NEK10: variants seen among roughly 807,000 people sequenced by gnomAD.
NEK10 encodes serine/threonine-protein kinase Nek10.
A neutral mutation model predicts 159.8 loss-of-function variants in NEK10; 122 were observed. The observed-to-expected ratio is 0.76, with a 90% CI of 0.66 to 0.89. NEK10 has a LOEUF of 0.89. NEK10 is among the 40% of genes least tolerant of loss of function. The pLI, the probability that NEK10 is intolerant of heterozygous loss-of-function variation, is 0.00. For synonymous variants in NEK10, 466 were observed against 457.1 expected, an observed-to-expected ratio of 1.02 and a Z score of -0.25; for missense variants, 1,342 against 1,323.1, an observed-to-expected ratio of 1.01 and a Z score of -0.22.
chr3:27,203,636 C>T (rs1950232683), intron 23 of NEK10, among the ~76,000 whole-genome samples: 1 of 152,142 alleles, frequency 6.6e-6, no homozygotes, highest in African/African-American at 2.4e-5. Context: ...GTACTTGGGT[C>T]TGGCCTCAGT....
At chr3:27,123,900 G>A (rs887161240) in intron 32 of NEK10, among the ~76,000 whole-genome samples, 1 of 151,920 alleles carries the variant, frequency 6.6e-6, no homozygotes, top group Non-Finnish European at 1.5e-5. Flanking sequence ...AGGCCTGGTG[G>A]CTGACGTGGA....
chr3:27,289,135 G>T (rs1482402489), intron 19 of NEK10, among the ~76,000 whole-genome samples: 1 of 152,158 alleles, frequency 6.6e-6, no homozygotes, highest in African/African-American at 2.4e-5. Flanking sequence ...TGCACTAGAA[G>T]GTAACAGCAC....
chr3:27,337,174 A>G (rs933564305), intron 5 of NEK10, among the ~76,000 whole-genome samples: 59 of 152,320 alleles, frequency 3.9e-4, no homozygotes, highest in African/African-American at 1.4e-3. Flanking sequence ...TTTATACACC[A>G]ACAATGAAAT....
chr3:27,153,193 G>A (rs746481129), intron 30 of NEK10, among the ~76,000 whole-genome samples: 26 of 151,826 alleles, frequency 1.7e-4, no homozygotes, highest in East Asian at 3.9e-4. Flanking sequence ...GGTAGCGGGC[G>A]CCTATAGTCT....
rs76758977 is a variant in NEK10, at chr3:27,352,937, A to G, written c.-37-18T>C. The G allele has an allele frequency of 0.024, 32,983 of 1,375,306 alleles. 949 individuals carry two copies. The highest frequency in any genetic ancestry group is 0.13 in the African/African-American group (9,382 of 70,262). 85.2% of individuals were successfully genotyped at this position (1,375,306 alleles called of 1,614,324 possible). On this transcript the variant is annotated intron_variant, in intron 1 of 35. Coordinates refer to ENST00000691995, the MANE Select transcript of NEK10 (RefSeq NM_001394966.1). ...TCGCATTCCTTTAAAATTAAACCAG[A>G]GGGAAAATTTTAGTTGGGTTGCGTG...
chr3:27,287,703 A>G lies in NEK10; in HGVS notation c.1784T>C (p.Leu595Pro). 1 of 1,569,966 alleles carries G rather than the reference A, an allele frequency of 6.4e-7. No individual in the cohort carries two copies. The highest frequency in any genetic ancestry group is 8.6e-7 in the Non-Finnish European group (1 of 1,163,246). ...TCATGAAAACTCATACTTACTTTCCAGAAATGTTTTGTAATAACGTACAAT... is the reference window on the plus strand; with the variant it reads ...TCATGAAAACTCATACTTACTTTCCGGAAATGTTTTGTAATAACGTACAAT... ...PNIVRYYKTF[L>P]ENDRLYIVME... The change falls in exon 20 of 36, where the codon CTG (leucine) becomes CCG (proline). Residue 595 changes from leucine (L) to proline (P), a missense_variant. Physicochemically the swap from Leu to Pro is moderately conservative, Grantham distance 98 (BLOSUM62 -3). Coordinates refer to ENST00000691995, the MANE Select transcript of NEK10 (RefSeq NM_001394966.1).
chr3:27,228,672 G>T (rs1264024508), intron 23 of NEK10, among the ~76,000 whole-genome samples: 1 of 152,124 alleles, frequency 6.6e-6, no homozygotes, highest in Admixed American at 6.6e-5. Context: ...GAACAATTTA[G>T]AATGATTGTA....
chr3:27,232,966 C>T (rs113848714), intron 23 of NEK10, among the ~76,000 whole-genome samples: 89 of 151,596 alleles, frequency 5.9e-4, no homozygotes, highest in African/African-American at 2.1e-3. Flanking sequence ...CTCTACTGGA[C>T]ATTGGCTTAG....
chr3:27,275,137 C>T (rs2041676864), intron 22 of NEK10, among the ~76,000 whole-genome samples: 2 of 152,186 alleles, frequency 1.3e-5, no homozygotes. Flanking sequence ...AGTTCACTGT[C>T]TCATCAGAAA....
At chr3:27,340,403 T>C (rs2047118090) in intron 5 of NEK10, among the ~76,000 whole-genome samples, 1 of 152,144 alleles carries the variant, frequency 6.6e-6, no homozygotes, top group South Asian at 2.1e-4. Context: ...AAACACCTAA[T>C]GCATGTGGGG....
intron 15 of NEK10, 33 bp downstream of exon 15, chr3:27,295,580 T>C (rs2043297494): frequency 1.3e-6 from 2 of 1,540,824 alleles, no homozygotes; most frequent in African/African-American, 1.4e-5. Context: ...TTTCAATAAC[T>C]TGATACTGAA....
intron 5 of NEK10, among the ~76,000 whole-genome samples, chr3:27,327,368 T>C (rs1575761892): frequency 6.6e-6 from 1 of 152,220 alleles, no homozygotes. Context: ...GGGCAAATAT[T>C]TGTCCCCTCT....
At chr3:27,147,074 T>C (rs890965489) in intron 30 of NEK10, among the ~76,000 whole-genome samples, 2 of 152,200 alleles carry the variant, frequency 1.3e-5, no homozygotes, top group Non-Finnish European at 2.9e-5. Flanking sequence ...CTGGCTTGCA[T>C]TGCAATATGG....
intron 23 of NEK10, among the ~76,000 whole-genome samples, chr3:27,222,792 TA>T (rs1373279628): frequency 6.6e-6 from 1 of 152,120 alleles, no homozygotes; most frequent in African/African-American, 2.4e-5. Flanking sequence ...ACAAATATTT[TA>T]ATAGTTCAGC....
At chr3:27,164,285 G>T (rs141590765) in intron 29 of NEK10, among the ~76,000 whole-genome samples, 2 of 152,310 alleles carry the variant, frequency 1.3e-5, no homozygotes, top group Admixed American at 6.5e-5. Flanking sequence ...GCTGAGCTGA[G>T]GAGCAGAGCA....
rs1374439521 is a variant in NEK10, at chr3:27,106,724, CAT to C, written c.*4546_*4547del. On this transcript the variant is annotated 3_prime_UTR_variant, in exon 36 of 36. Transcript: ENST00000691995. ...CATGTTTTATGGGACCAGTTTTTCA[CAT>C]GTTTGCAAAAACTTCGGCTAATTTT... is the stretch of plus-strand genomic sequence containing the variant. Among the ~76,000 whole-genome samples the C allele has an allele frequency of 3.3e-5, 5 of 152,192 alleles. No individual in the cohort carries two copies. Among genetic ancestry groups the C allele is most frequent in the Non-Finnish European group, 5.9e-5 (4 of 68,036 alleles).
At chr3:27,300,955 C>T (rs1221185101) in intron 13 of NEK10, among the ~76,000 whole-genome samples, 2 of 152,176 alleles carry the variant, frequency 1.3e-5, no homozygotes, top group Non-Finnish European at 2.9e-5. Context: ...AGCCTGCCCT[C>T]TCCCACTTCC....
At chr3:27,292,146 T>C (rs1218936599) in intron 16 of NEK10, among the ~76,000 whole-genome samples, 20 of 152,170 alleles carry the variant, frequency 1.3e-4, no homozygotes, top group Non-Finnish European at 1.3e-4. Context: ...GTGCTTACAG[T>C]TAATAACACT....
chr3:27,123,839 A>C (rs1323923071), intron 32 of NEK10, among the ~76,000 whole-genome samples: 1 of 151,970 alleles, frequency 6.6e-6, no homozygotes, highest in Non-Finnish European at 1.5e-5. Flanking sequence ...AGGAAAAAGC[A>C]TGTACAAGAC....
Sources: gnomAD v4.1 joint callset for allele counts (sites outside exome capture counted in the v4.1 genomes callset) on GRCh38, gnomAD v4.1.1 for gene constraint, MANE v1.5 for transcripts, NCBI Gene and HGNC (gene_info 2026-07-23, HGNC 2026-07-21) for gene names.